Variants in ARHGEF12 observed in about 807,000 individuals in gnomAD.
ARHGEF12 encodes the protein KMT2A/ARHGEF12 fusion protein.
In ARHGEF12, 66 loss-of-function variants were observed where a neutral mutation model predicts 211.2. That is an observed-to-expected ratio of 0.31 (90% CI 0.26 to 0.38). The LOEUF is 0.38. Among genes scored for constraint, ARHGEF12 ranks in the 10% least tolerant of loss-of-function variants. ARHGEF12 has a pLI of 1.00. For missense variants in ARHGEF12, 1,429 were observed against 1,869.5 expected (o/e 0.76, Z 4.34); for synonymous variants, 592 against 638.4 (o/e 0.93, Z 1.09).
intron 1 of ARHGEF12, among the ~76,000 whole-genome samples, chr11:120,378,976 G>A (rs1565439754): frequency 3.3e-5 from 5 of 152,128 alleles, no homozygotes. Flanking sequence ...GAGTCAGCAT[G>A]TCAATTTCTA....
chr11:120,349,464 T>A (rs1421360674), intron 1 of ARHGEF12, among the ~76,000 whole-genome samples: 1 of 150,706 alleles, frequency 6.6e-6, no homozygotes, highest in East Asian at 1.9e-4. Context: ...TGTGTGTATG[T>A]ATTTATTTAT....
chr11:120,485,283 T>TGG lies in ARHGEF12; in HGVS notation c.*206_*207insGG, dbSNP rs1200962355. 3 of 543,680 alleles carry TGG rather than the reference T, an allele frequency of 5.5e-6. No individual in the cohort carries two copies. The highest frequency in any genetic ancestry group is 3.3e-5 in the Admixed American group (1 of 30,388). The allele number at this position is 543,680 out of a possible 1,614,324, so 33.7% of individuals were successfully genotyped here. ...CTGCACTAATCTGTTTGTGAGGGAA[T>TGG]ATCCATTCCCTCACTCTACTCTCCT... is the stretch of plus-strand genomic sequence containing the variant. On this transcript the variant is annotated 3_prime_UTR_variant, in exon 41 of 41. Transcript: ENST00000397843.
At chr11:120,461,468 T>C (rs1946527993) in intron 27 of ARHGEF12, among the ~76,000 whole-genome samples, 2 of 152,184 alleles carry the variant, frequency 1.3e-5, no homozygotes, top group Non-Finnish European at 2.9e-5. Context: ...TGTTGTTTCA[T>C]TTATAGAGCA....
intron 29 of ARHGEF12, among the ~76,000 whole-genome samples, chr11:120,468,750 C>A (rs527862152): frequency 6.6e-6 from 1 of 152,026 alleles, no homozygotes; most frequent in South Asian, 2.1e-4. Context: ...CTTGCCTTGC[C>A]GCCTCAATAC....
At chr11:120,461,657 C>G (rs1946536460) in intron 27 of ARHGEF12, among the ~76,000 whole-genome samples, 1 of 152,196 alleles carries the variant, frequency 6.6e-6, no homozygotes, top group African/African-American at 2.4e-5. Context: ...ATGGCATCTT[C>G]TTCCAATAGA....
At chr11:120,378,605 A>T (rs1045316552) in intron 1 of ARHGEF12, among the ~76,000 whole-genome samples, 16 of 152,198 alleles carry the variant, frequency 1.1e-4, no homozygotes, top group Admixed American at 1.3e-4. Flanking sequence ...GAAGTTGTAT[A>T]GTTTAGCTCT....
rs1439538617 is a variant in ARHGEF12, at chr11:120,486,847, C to G, written c.*1770C>G. 1 of 214,752 alleles carries G rather than the reference C, an allele frequency of 4.7e-6. No homozygotes were observed. The highest frequency in any genetic ancestry group is 2.3e-5 in the African/African-American group (1 of 44,396). The allele number at this position is 214,752 out of a possible 1,614,324, so 13.3% of individuals were successfully genotyped here. A position where few individuals can be genotyped will look rare whatever the true frequency, so the allele number is the denominator to read the frequency against. ...TGATCTGTGTTTTTAGGTGGATCAA[C>G]TTGGATCTTTAGACCTCATCTATAA... On this transcript the variant is annotated 3_prime_UTR_variant, in exon 41 of 41. Coordinates refer to ENST00000397843, the MANE Select transcript of ARHGEF12 (RefSeq NM_015313.3).
At chr11:120,424,499 A>C (rs1363525890) in intron 7 of ARHGEF12, 84 bp downstream of exon 7, 1 of 1,137,158 alleles carries the variant, frequency 8.8e-7, no homozygotes, top group African/African-American at 1.5e-5. Flanking sequence ...TAGGCCAAAT[A>C]GTAAATATTT....
At chr11:120,445,307 G>A (rs569410969) in intron 15 of ARHGEF12, 115 bp from the exon 16 acceptor site, 1 of 939,560 alleles carries the variant, frequency 1.1e-6, no homozygotes, top group African/African-American at 1.6e-5. Flanking sequence ...GCTTGTACTT[G>A]ATTGTGCTTG....
rs1368890371 is a variant in ARHGEF12 at position 120,440,177 on chromosome 11, A to G, written c.1048A>G (p.Ile350Val). The G allele has an allele frequency of 1.2e-6, 2 of 1,613,934 alleles. No individual in the cohort carries two copies. Among genetic ancestry groups the G allele is most frequent in the Admixed American group, 1.7e-5 (1 of 60,012 alleles). ...TCCCTCAACCCGTATAGCACCTCAT[A>G]TTATTGGAGCAGAAGATGATGATTT... ...GSPSTRIAPH[I>V]IGAEDDDFGT... Residue 350 changes from isoleucine (I) to valine (V), a missense_variant, in exon 13 of 41, where the codon ATT becomes GTT. This residue lies in a region of ARHGEF12 where 254 missense variants were observed against 286.4 expected (regional missense o/e 0.89). Coordinates refer to ENST00000397843, the MANE Select transcript of ARHGEF12 (RefSeq NM_015313.3).
At chr11:120,409,493 C>CTTCATGGTGTTCCTT (rs1944818246) in intron 4 of ARHGEF12, 43 bp downstream of exon 4, 1 of 1,581,876 alleles carries the variant, frequency 6.3e-7, no homozygotes, top group African/African-American at 1.3e-5. Context: ...TTGGAGCTTG[C>CTTCATGGTGTTCCTT]TTCATGGTGT....
At chr11:120,430,658 A>G (rs1945496805) in intron 10 of ARHGEF12, among the ~76,000 whole-genome samples, 1 of 152,162 alleles carries the variant, frequency 6.6e-6, no homozygotes, top group African/African-American at 2.4e-5. Context: ...TTTTTTTGTC[A>G]CTGTTCCCGA....
chr11:120,373,603 C>A (rs1193079129), intron 1 of ARHGEF12, among the ~76,000 whole-genome samples: 4 of 152,018 alleles, frequency 2.6e-5, no homozygotes, highest in Admixed American at 6.5e-5. Context: ...GTACGATATT[C>A]TATTATATAA....
chr11:120,381,799 T>G (rs972057353), intron 1 of ARHGEF12, among the ~76,000 whole-genome samples: 8 of 152,182 alleles, frequency 5.3e-5, no homozygotes, highest in Non-Finnish European at 1.0e-4. Context: ...GCATCCCGTT[T>G]GTAGTCAAAC....
chr11:120,368,564 C>T (rs1445026843), intron 1 of ARHGEF12, among the ~76,000 whole-genome samples: 1 of 152,166 alleles, frequency 6.6e-6, no homozygotes, highest in Non-Finnish European at 1.5e-5. Context: ...AGATACCTAA[C>T]AATTATTTGT....
chr11:120,454,546 CAAA>C (rs1244501487), intron 22 of ARHGEF12, among the ~76,000 whole-genome samples: 1 of 151,802 alleles, frequency 6.6e-6, no homozygotes, highest in Admixed American at 6.6e-5. Flanking sequence ...TGGCTTAACA[CAAA>C]AAAAATTTAT....
intron 10 of ARHGEF12, among the ~76,000 whole-genome samples, chr11:120,430,095 T>A (rs11217866): frequency 0.19 from 29,612 of 151,868 alleles, 3,055 homozygotes; most frequent in African/African-American, 0.24. Flanking sequence ...TGTGACAAAC[T>A]ACTAAAATGT....
At chr11:120,340,027 TA>T (rs934546936) in intron 1 of ARHGEF12, among the ~76,000 whole-genome samples, 22 of 152,070 alleles carry the variant, frequency 1.4e-4, no homozygotes, top group African/African-American at 4.1e-4. Flanking sequence ...CAAACAGCTT[TA>T]AAAAAAATGG....
chr11:120,359,457 G>C (rs1943221010), intron 1 of ARHGEF12, among the ~76,000 whole-genome samples: 1 of 151,882 alleles, frequency 6.6e-6, no homozygotes, highest in Admixed American at 6.6e-5. Context: ...GCCTAGGCTG[G>C]CCTCAAATTC....
Sources: allele counts gnomAD v4.1 joint callset (sites outside exome capture counted in the v4.1 genomes callset), GRCh38; gene constraint gnomAD v4.1.1; regional missense constraint gnomAD v4.1.1; transcripts MANE v1.5; gene names NCBI Gene and HGNC (gene_info 2026-07-23, HGNC 2026-07-21).